Variants in TLK2 observed in about 807,000 individuals in gnomAD.
TLK2 encodes serine/threonine-protein kinase tousled-like 2.
A neutral mutation model predicts 117.3 loss-of-function variants in TLK2; 6 were observed. That is an observed-to-expected ratio of 0.05 (90% CI 0.03 to 0.10). The LOEUF is 0.10. Ranked by LOEUF, TLK2 falls within the 10% of genes least tolerant of loss-of-function variation. TLK2 has a pLI of 1.00. For synonymous variants in TLK2, 257 were observed against 316.7 expected, an observed-to-expected ratio of 0.81 and a Z score of 2.00; for missense variants, 299 against 901.2, an observed-to-expected ratio of 0.33 and a Z score of 8.56.
At chr17:62,573,689 G>A (rs1352936324) in intron 12 of TLK2, among the ~76,000 whole-genome samples, 1 of 152,204 alleles carries the variant, frequency 6.6e-6, no homozygotes, top group Non-Finnish European at 1.5e-5. Context: ...GCTGCAGGGT[G>A]TGGTACACTA....
At chr17:62,579,745 G>A (rs1390435315) in intron 14 of TLK2, among the ~76,000 whole-genome samples, 1 of 152,162 alleles carries the variant, frequency 6.6e-6, no homozygotes, top group Non-Finnish European at 1.5e-5. Flanking sequence ...TTGAAATGGT[G>A]GGAACATGTG....
intron 1 of TLK2, among the ~76,000 whole-genome samples, chr17:62,471,886 G>GTTTTTTTTTTT (rs1179717599): frequency 2.6e-4 from 10 of 38,988 alleles, no homozygotes; most frequent in South Asian, 9.7e-4. Context: ...AGGTAGTATA[G>GTTTTTTTTTTT]TCTTTTTTTT....
intron 16 of TLK2, among the ~76,000 whole-genome samples, chr17:62,594,863 T>C (rs1233722902): frequency 6.6e-6 from 1 of 151,758 alleles, no homozygotes; most frequent in African/African-American, 2.4e-5. Context: ...ACCCAACACA[T>C]GTGCCTTTGG....
At chr17:62,595,027 T>C (rs949681384) in intron 16 of TLK2, among the ~76,000 whole-genome samples, 1 of 152,196 alleles carries the variant, frequency 6.6e-6, no homozygotes, top group African/African-American at 2.4e-5. Context: ...CATGGCGCAG[T>C]CTCGCCTCAC....
intron 21 of TLK2, among the ~76,000 whole-genome samples, chr17:62,608,921 C>A (rs1272389050): frequency 6.6e-6 from 1 of 152,186 alleles, no homozygotes; most frequent in Admixed American, 6.5e-5. Flanking sequence ...CTCATCCTTG[C>A]CACATCTGTA....
chr17:62,487,303 AAAAG>A (rs1490597628), intron 2 of TLK2, among the ~76,000 whole-genome samples: 185 of 151,690 alleles, frequency 1.2e-3, no homozygotes, highest in African/African-American at 4.2e-3. Flanking sequence ...AAAAAAAAAA[AAAAG>A]AAAGAAATAT....
At chr17:62,529,644 C>T (rs1158664955) in intron 6 of TLK2, among the ~76,000 whole-genome samples, 1 of 152,168 alleles carries the variant, frequency 6.6e-6, no homozygotes, top group Non-Finnish European at 1.5e-5. Flanking sequence ...TGTTTTCTAT[C>T]TTGGGCAAAT....
intron 6 of TLK2, among the ~76,000 whole-genome samples, chr17:62,528,918 C>G (rs372226232): frequency 6.6e-6 from 1 of 152,116 alleles, no homozygotes; most frequent in Non-Finnish European, 1.5e-5. Context: ...CATGCTGTTC[C>G]CTGATCACAA....
upstream of TLK2, among the ~76,000 whole-genome samples, chr17:62,476,583 C>CAAAAT (rs59524481): frequency 0.43 from 63,079 of 146,866 alleles, 15,894 homozygotes; most frequent in East Asian, 0.69. Context: ...ACTCTGTCAC[C>CAAAAT]AAAATAAAAT....
At chr17:62,525,963 CTCTTT>C (rs1419389509) in intron 6 of TLK2, among the ~76,000 whole-genome samples, 4 of 152,292 alleles carry the variant, frequency 2.6e-5, no homozygotes, top group Non-Finnish European at 5.9e-5. Context: ...TTGTCTATCA[CTCTTT>C]TCTTCCTGAA....
chr17:62,477,460 C>T (rs1205830767), upstream of TLK2: 5 of 152,176 alleles, frequency 3.3e-5, no homozygotes, highest in Admixed American at 3.3e-4. Flanking sequence ...GGAGAACTAA[C>T]AAAAAGCAAA....
intron 7 of TLK2, among the ~76,000 whole-genome samples, chr17:62,538,498 G>T (rs376274652): frequency 1.3e-5 from 2 of 152,196 alleles, no homozygotes; most frequent in Admixed American, 6.5e-5. Flanking sequence ...TGCCCACTGT[G>T]TAATGAGCAT....
At chr17:62,588,175 A>G (rs2081794322) in intron 16 of TLK2, among the ~76,000 whole-genome samples, 1 of 152,066 alleles carries the variant, frequency 6.6e-6, no homozygotes, top group African/African-American at 2.4e-5. Context: ...ACATATTTTT[A>G]TACATATACG....
At chr17:62,557,533 T>C (rs1255512712) in intron 9 of TLK2, among the ~76,000 whole-genome samples, 2 of 152,228 alleles carry the variant, frequency 1.3e-5, no homozygotes, top group East Asian at 1.9e-4. Flanking sequence ...GTCTCAGCAC[T>C]GTGTTGTATT....
intron 21 of TLK2, among the ~76,000 whole-genome samples, chr17:62,608,883 GT>G (rs1205802183): frequency 1.3e-5 from 2 of 152,184 alleles, no homozygotes; most frequent in Non-Finnish European, 2.9e-5. Flanking sequence ...GGAATGGGAA[GT>G]GGTGAAAAGG....
In TLK2 at chr17:62,613,540, A is replaced by C. The variant is rs1388462744; in HGVS notation, c.*975A>C. ...GTAACTATGAAGCTATGCCAAAGGT[A>C]GGCAGAAAATGGGCTTGGGAGCCAG... On this transcript the variant is annotated 3_prime_UTR_variant, in exon 22 of 22. Transcript: ENST00000346027. 6 of 152,634 alleles carry C rather than the reference A, an allele frequency of 3.9e-5. No homozygotes were observed. The highest frequency in any genetic ancestry group is 1.4e-4 in the African/African-American group (6 of 41,450). The allele number at this position is 152,634 out of a possible 1,614,324, so 9.5% of individuals were successfully genotyped here.
intron 6 of TLK2, among the ~76,000 whole-genome samples, chr17:62,531,867 A>G (rs776208647): frequency 6.6e-6 from 1 of 152,174 alleles, no homozygotes; most frequent in African/African-American, 2.4e-5. Flanking sequence ...CCTGGCAGCC[A>G]TCTGAGGGTG....
At chr17:62,573,818 T>A (rs115801455) in intron 12 of TLK2, among the ~76,000 whole-genome samples, 2 of 152,196 alleles carry the variant, frequency 1.3e-5, no homozygotes, top group African/African-American at 4.8e-5. Context: ...AAAGCTGTTA[T>A]GTTAGAAAAG....
intron 10 of TLK2, among the ~76,000 whole-genome samples, chr17:62,564,577 A>G (rs1284439417): frequency 2.0e-5 from 3 of 150,650 alleles, no homozygotes; most frequent in Admixed American, 6.7e-5. Context: ...ACGTGGTGGC[A>G]TGCACCTGTA....
Sources: gnomAD v4.1 joint callset for allele counts (sites outside exome capture counted in the v4.1 genomes callset) on GRCh38, gnomAD v4.1.1 for gene constraint, MANE v1.5 for transcripts, NCBI Gene and HGNC (gene_info 2026-07-23, HGNC 2026-07-21) for gene names.